The following C12orf42 variants were observed in gnomAD, a reference collection of about 807,000 sequenced individuals.
C12orf42 encodes the protein uncharacterized protein C12orf42.
A neutral mutation model predicts 21.6 loss-of-function variants in C12orf42; 25 were observed. That is an observed-to-expected ratio of 1.16 (90% CI 0.84 to 1.62). C12orf42 has a LOEUF of 1.62. C12orf42 is among the 40% of genes most tolerant of loss of function. The probability of loss-of-function intolerance (pLI) is 0.00; values close to 1 mark genes in which losing one functional copy is unlikely to be tolerated. For missense variants in C12orf42, 483 were observed against 459.3 expected (o/e 1.05, Z -0.47); for synonymous variants, 174 against 175.0 (o/e 0.99, Z 0.05).
intron 4 of C12orf42, among the ~76,000 whole-genome samples, chr12:103,360,513 A>G (rs2044000113): frequency 6.6e-6 from 1 of 152,096 alleles, no homozygotes; most frequent in African/African-American, 2.4e-5. Context: ...AGAGCAAATC[A>G]TGTAATTATA....
the C12orf42 span, among the ~76,000 whole-genome samples, chr12:103,208,633 T>G: frequency 1.3e-5 from 2 of 152,216 alleles, no homozygotes; most frequent in African/African-American, 4.8e-5. Context: ...TGGACTCTGG[T>G]CAGACTTGAT....
At chr12:103,320,253 G>T (rs2039955554) in intron 4 of C12orf42, among the ~76,000 whole-genome samples, 1 of 152,112 alleles carries the variant, frequency 6.6e-6, no homozygotes, top group Non-Finnish European at 1.5e-5. Context: ...AGGCCACAGG[G>T]GGTTAGAATA....
At position 103,306,339 on chromosome 12, in the gene C12orf42, G is replaced by C; in HGVS notation, c.266C>G (p.Pro89Arg). 6.2e-7 allele frequency: 1 copy of C among 1,601,230 alleles called. No individual in the cohort carries two copies. The highest frequency in any genetic ancestry group is 8.5e-7 in the Non-Finnish European group (1 of 1,173,746). ...SLHFLNFPVFPERTQNSMACK... is the reference protein window; with the variant it reads ...SLHFLNFPVFRERTQNSMACK... ...CGCCATTGAATTTTGAGTCCTTTCT[G>C]GAAATACTGTGAAAGGTAAATACAT... is the stretch of plus-strand genomic sequence containing the variant. Residue 89 changes from proline (P) to arginine (R), a missense_variant, in exon 5 of 6, where the codon CCA becomes CGA. Coordinates refer to ENST00000548883, the MANE Select transcript of C12orf42 (RefSeq NM_198521.5).
At chr12:103,144,925 A>C in the C12orf42 span, among the ~76,000 whole-genome samples, 1 of 152,152 alleles carries the variant, frequency 6.6e-6, no homozygotes, top group Non-Finnish European at 1.5e-5. Flanking sequence ...ACCATCTTTT[A>C]TATCATTGTG....
chr12:103,156,954 T>G, the C12orf42 span, among the ~76,000 whole-genome samples: 1 of 152,188 alleles, frequency 6.6e-6, no homozygotes, highest in Non-Finnish European at 1.5e-5. Flanking sequence ...TGTGCCTTTA[T>G]AGTAGAATGA....
chr12:103,369,107 A>G (rs1001355852), intron 3 of C12orf42, 109 bp from the exon 4 acceptor site: 4 of 537,072 alleles, frequency 7.4e-6, no homozygotes, highest in Non-Finnish European at 1.3e-5. Flanking sequence ...CATTTTAAAA[A>G]TATTTTTGTT....
chr12:103,239,343 A>G (rs1389557032), intron 10 of C12orf42, among the ~76,000 whole-genome samples: 1 of 152,156 alleles, frequency 6.6e-6, no homozygotes, highest in East Asian at 1.9e-4. Flanking sequence ...CTTGGCATCA[A>G]CTATAATCGG....
At chr12:103,440,457 C>CA in intron 2 of C12orf42, among the ~76,000 whole-genome samples, 1,709 of 69,640 alleles carry the variant, frequency 0.025, 193 homozygotes, top group East Asian at 0.23. Context: ...TCACAGATAC[C>CA]AAAAAAAAAA....
At chr12:103,047,988 A>T in the C12orf42 span, among the ~76,000 whole-genome samples, 2 of 152,148 alleles carry the variant, frequency 1.3e-5, no homozygotes, top group Non-Finnish European at 2.9e-5. Flanking sequence ...CAAAGGCTCC[A>T]TCTTACCAGG....
rs532571673 is a variant in C12orf42 at position 103,302,242 on chromosome 12, C to G, written c.949G>C (p.Gly317Arg). The change falls in exon 6 of 6, where the codon GGT becomes CGT. Residue 317 changes from glycine (G) to arginine (R), a missense_variant. By Grantham distance (125) the Gly-to-Arg change is moderately radical. Transcript: ENST00000548883. ...TTGGAGGGGAAATGGGTGGAAGCACCGGCCAGCAGAGGAAGGGGCGCTCCT... is the reference window on the plus strand; with the variant it reads ...TTGGAGGGGAAATGGGTGGAAGCACGGGCCAGCAGAGGAAGGGGCGCTCCT... ...LAGAPLPLLA[G>R]ASTHFPSKRL... The G allele has an allele frequency of 2.5e-6, 4 of 1,611,650 alleles. No individual in the cohort carries two copies. The South Asian group carries it at 4.4e-5, about 18-fold the overall frequency.
intron 4 of C12orf42, among the ~76,000 whole-genome samples, chr12:103,336,497 A>T (rs2041709514): frequency 2.0e-5 from 3 of 152,220 alleles, no homozygotes; most frequent in Admixed American, 6.5e-5. Context: ...GAGAGAGGAA[A>T]AAATAATTCC....
At chr12:103,098,324 G>A in the C12orf42 span, among the ~76,000 whole-genome samples, 1 of 152,140 alleles carries the variant, frequency 6.6e-6, no homozygotes, top group South Asian at 2.1e-4. Flanking sequence ...GTGTTAAATG[G>A]AGATAATATT....
intron 2 of C12orf42, among the ~76,000 whole-genome samples, chr12:103,476,068 T>C (rs1954027132): frequency 6.6e-6 from 1 of 152,188 alleles, no homozygotes; most frequent in Admixed American, 6.5e-5. Flanking sequence ...TGCATTTCCT[T>C]GCTGTGTGTT....
the C12orf42 span, chr12:103,558,702 C>A: frequency 1.3e-4 from 20 of 152,192 alleles, no homozygotes; most frequent in African/African-American, 4.8e-4. Flanking sequence ...TCCCTATTAT[C>A]CCTACGGTGG....
the C12orf42 span, among the ~76,000 whole-genome samples, chr12:103,185,303 G>T: frequency 6.6e-6 from 1 of 152,254 alleles, no homozygotes; most frequent in African/African-American, 2.4e-5. Context: ...CATGGTGTTG[G>T]AGAAAGCTCT....
At chr12:103,518,214 T>C in the C12orf42 span, among the ~76,000 whole-genome samples, 6 of 152,306 alleles carry the variant, frequency 3.9e-5, no homozygotes, top group Non-Finnish European at 7.4e-5. Context: ...AATAACAGAA[T>C]ATATTTTGGC....
At chr12:103,490,215 T>A (rs1437809848) in intron 1 of C12orf42, among the ~76,000 whole-genome samples, 1 of 152,228 alleles carries the variant, frequency 6.6e-6, no homozygotes, top group Non-Finnish European at 1.5e-5. Flanking sequence ...AATTTAAATC[T>A]TAGTCTCTGA....
At chr12:103,410,367 A>C (rs2048741860) in intron 2 of C12orf42, among the ~76,000 whole-genome samples, 2 of 152,224 alleles carry the variant, frequency 1.3e-5, no homozygotes, top group African/African-American at 4.8e-5. Flanking sequence ...TCTGAAAAAG[A>C]AGCAAAAATA....
At chr12:103,288,362 A>G (rs929609443) in intron 4 of C12orf42, among the ~76,000 whole-genome samples, 5 of 152,140 alleles carry the variant, frequency 3.3e-5, no homozygotes, top group African/African-American at 1.2e-4. Context: ...AAAACAAACA[A>G]AATCTAGGAG....
Sources: allele counts gnomAD v4.1 joint callset (sites outside exome capture counted in the v4.1 genomes callset), GRCh38; gene constraint gnomAD v4.1.1; transcripts MANE v1.5; gene names NCBI Gene and HGNC (gene_info 2026-07-23, HGNC 2026-07-21).